Variants in DNAH8 observed in about 807,000 individuals in gnomAD.
DNAH8 encodes the protein dynein axonemal heavy chain 8, also known as axonemal beta dynein heavy chain 8.
Under a neutral mutation model 562.1 loss-of-function variants are expected in DNAH8, and 382 were observed. The observed-to-expected ratio is 0.68, with a 90% confidence interval of 0.63 to 0.74. The LOEUF (loss-of-function observed/expected upper bound fraction) is 0.74. Among genes scored for constraint, DNAH8 ranks in the 30% least tolerant of loss-of-function variants. DNAH8 has a pLI of 0.00. For synonymous variants in DNAH8, 1,881 were observed against 1,919.4 expected (o/e 0.98, Z 0.52); for missense variants, 5,203 against 5,620.4 (o/e 0.93, Z 2.37).
chr6:38,752,213 G>A (rs1242585751), intron 9 of DNAH8, among the ~76,000 whole-genome samples: 1 of 151,952 alleles, frequency 6.6e-6, no homozygotes, highest in African/African-American at 2.4e-5. Context: ...ACCCAGGCTG[G>A]AGTGCAGTGG....
chr6:38,863,826 G>T (rs946235955), intron 44 of DNAH8, 47 bp from the exon 45 acceptor site: 1 of 1,460,018 alleles, frequency 6.8e-7, no homozygotes, highest in East Asian at 2.3e-5. Context: ...TATCAAGAAG[G>T]TATATTATAG....
intron 21 of DNAH8, among the ~76,000 whole-genome samples, chr6:38,800,760 G>A (rs1475080918): frequency 6.6e-6 from 1 of 152,080 alleles, no homozygotes; most frequent in East Asian, 1.9e-4. Context: ...CGAATGATCT[G>A]CCTCCCCCTC....
At chr6:38,810,679 A>G (rs951866611) in intron 24 of DNAH8, among the ~76,000 whole-genome samples, 1 of 151,952 alleles carries the variant, frequency 6.6e-6, no homozygotes, top group African/African-American at 2.4e-5. Context: ...GGCAGGCTTT[A>G]CTCACTGAAC....
At position 38,931,792 on chromosome 6, in the gene DNAH8, T is replaced by C; in HGVS notation, c.11275-19T>C. On this transcript the variant is annotated intron_variant, in intron 75 of 92. Transcript: ENST00000327475. Reference sequence around the variant, plus strand: ...CTGCCCTTTAAGCTGTTTTTAATTTTATATGTGAATTTATGTAGGTGAAAG... The same window carrying C: ...CTGCCCTTTAAGCTGTTTTTAATTTCATATGTGAATTTATGTAGGTGAAAG... The C allele has an allele frequency of 6.6e-7, 1 of 1,509,766 alleles. No individual in the cohort carries two copies. The highest frequency in any genetic ancestry group is 8.9e-7 in the Non-Finnish European group (1 of 1,123,124). The allele number at this position is 1,509,766 out of a possible 1,614,324, so 93.5% of individuals were successfully genotyped here.
rs750125546 is a variant in DNAH8 at position 38,857,741 on chromosome 6, TGGTAA to T, written c.5958+4_5958+8del. On this transcript the variant is annotated splice_donor_variant and splice_donor_region_variant and coding_sequence_variant and intron_variant, in exon 42 of 93. Transcript: ENST00000327475. LOFTEE classifies it high-confidence loss of function. ...CATCAGAGAGATATTTTTGATGACT[TGGTAA>T]GGTATCTTTTTTTTTAATTTAGTGT... 2 of 1,586,220 alleles carry T rather than the reference TGGTAA, an allele frequency of 1.3e-6. No homozygotes were observed. The highest frequency in any genetic ancestry group is 2.2e-5 in the East Asian group (1 of 44,676).
At chr6:38,715,736 T>C (rs913868838) in intron 1 of DNAH8, among the ~76,000 whole-genome samples, 1 of 149,198 alleles carries the variant, frequency 6.7e-6, no homozygotes, top group Non-Finnish European at 1.5e-5. Flanking sequence ...TCCAGAGGGG[T>C]ATAGTGGACT....
At chr6:38,810,946 T>C (rs1771742172) in intron 24 of DNAH8, among the ~76,000 whole-genome samples, 1 of 152,204 alleles carries the variant, frequency 6.6e-6, no homozygotes, top group Non-Finnish European at 1.5e-5. Context: ...TCTTTGTCTT[T>C]TAGTACTTGG....
intron 85 of DNAH8, among the ~76,000 whole-genome samples, chr6:38,980,733 C>A (rs775084697): frequency 6.6e-6 from 1 of 151,060 alleles, no homozygotes; most frequent in African/African-American, 2.4e-5. Flanking sequence ...TAGTACTTTA[C>A]GTTTTTAAGA....
intron 35 of DNAH8, among the ~76,000 whole-genome samples, chr6:38,843,805 T>A (rs1039414299): frequency 6.6e-6 from 1 of 152,152 alleles, no homozygotes; most frequent in African/African-American, 2.4e-5. Flanking sequence ...GGGCAGGATT[T>A]CAAAAATTCT....
intron 9 of DNAH8, among the ~76,000 whole-genome samples, chr6:38,754,895 C>T (rs1765774720): frequency 6.6e-6 from 1 of 152,052 alleles, no homozygotes; most frequent in African/African-American, 2.4e-5. Context: ...TGACTTGATA[C>T]TACCTTAAAT....
intron 73 of DNAH8, chr6:38,924,965 G>C (rs1781998046): frequency 6.6e-6 from 1 of 152,194 alleles, no homozygotes; most frequent in African/African-American, 2.4e-5. Flanking sequence ...ATCTTGCAGA[G>C]CTTCTGTTGT....
Position 38,932,589 on chromosome 6 carries a change from A to G in DNAH8, c.11457+596A>G, listed in dbSNP as rs1583393059. On this transcript the variant is annotated intron_variant, in intron 76 of 92. Transcript: ENST00000327475. ...TGTTTTATGCATAAAATATAATTGCATAAAATATTTTATGTATCTGCATTA... is the reference window on the plus strand; with the variant it reads ...TGTTTTATGCATAAAATATAATTGCGTAAAATATTTTATGTATCTGCATTA... Among the ~76,000 whole-genome samples, 8 of 152,386 alleles carry G rather than the reference A, an allele frequency of 5.2e-5. No individual in the cohort carries two copies. In the South Asian group the frequency reaches 1.7e-3, roughly 32 times the overall value.
chr6:38,763,046 A>T, intron 11 of DNAH8: 1 of 403,546 alleles, frequency 2.5e-6, no homozygotes, highest in Non-Finnish European at 4.9e-6. Context: ...AGCAGCTCAT[A>T]AAGTAGTGGT....
rs1235635197 is a variant in DNAH8, at chr6:38,737,233, A to G, written c.929A>G (p.Asn310Ser). 1 of 1,463,738 alleles carries G rather than the reference A, an allele frequency of 6.8e-7. No homozygotes were observed. Among genetic ancestry groups the G allele is most frequent in the Non-Finnish European group, 9.1e-7 (1 of 1,102,672 alleles). 90.7% of individuals were successfully genotyped at this position (1,463,738 alleles called of 1,614,324 possible). ...AAACATATTTTCACTGAAACCATCA[A>G]CAGATATCTTTCATTTTTAGATGGT... ...SEKHIFTETI[N>S]RYLSFLDGAR... The change falls in exon 6 of 93, where the codon AAC becomes AGC. Residue 310 changes from asparagine to serine, a missense_variant. Physicochemically the swap from Asn to Ser is conservative, Grantham distance 46. This residue lies in a region of DNAH8 where 556 missense variants were observed against 496.9 expected (regional missense o/e 1.12). Coordinates refer to ENST00000327475, the MANE Select transcript of DNAH8 (RefSeq NM_001206927.2).
In DNAH8 at chr6:38,899,907, G is replaced by T; in HGVS notation, c.9194+1G>T. 1 of 1,568,146 alleles carries T rather than the reference G, an allele frequency of 6.4e-7. No homozygotes were observed. The highest frequency in any genetic ancestry group is 8.6e-7 in the Non-Finnish European group (1 of 1,160,580). On this transcript the variant is annotated splice_donor_variant, in intron 62 of 92. Coordinates refer to ENST00000327475, the MANE Select transcript of DNAH8 (RefSeq NM_001206927.2). LOFTEE classifies it high-confidence loss of function. ...AAATATTCCAGATAACATTAACCAG[G>T]TAGGATGAAATAAAACACAATATGT...
intron 26 of DNAH8, among the ~76,000 whole-genome samples, chr6:38,820,756 A>G (rs1314493060): frequency 6.6e-6 from 1 of 152,206 alleles, no homozygotes; most frequent in Non-Finnish European, 1.5e-5. Flanking sequence ...ATAAAGGGAA[A>G]AAACTCATGA....
At chr6:38,953,424 T>C (rs1189388231) in intron 82 of DNAH8, among the ~76,000 whole-genome samples, 1 of 152,220 alleles carries the variant, frequency 6.6e-6, no homozygotes, top group Non-Finnish European at 1.5e-5. Flanking sequence ...TGACATTAAA[T>C]GAATGCAGAA....
At chr6:38,759,358 A>T (rs562980530) in intron 10 of DNAH8, among the ~76,000 whole-genome samples, 2 of 152,240 alleles carry the variant, frequency 1.3e-5, no homozygotes, top group South Asian at 4.1e-4. Context: ...CCAACGAAAA[A>T]ACCCACATGA....
At chr6:38,821,781 C>T (rs1005458882) in intron 26 of DNAH8, among the ~76,000 whole-genome samples, 5 of 152,142 alleles carry the variant, frequency 3.3e-5, no homozygotes, top group African/African-American at 1.2e-4. Context: ...AGGCTGGTCA[C>T]GAAATCTTGG....
Sources: allele counts gnomAD v4.1 joint callset (sites outside exome capture counted in the v4.1 genomes callset), GRCh38; gene constraint gnomAD v4.1.1; regional missense constraint gnomAD v4.1.1; transcripts MANE v1.5; gene names NCBI Gene and HGNC (gene_info 2026-07-23, HGNC 2026-07-21).